SFMBT2: variants seen among roughly 807,000 people sequenced by gnomAD.
SFMBT2 encodes the protein Scm like with four mbt domains 2, also known as scm-like with four MBT domains protein 2.
Under a neutral mutation model 110.1 loss-of-function variants are expected in SFMBT2, and 38 were observed. The observed-to-expected ratio is 0.35, with a 90% CI of 0.27 to 0.45. The LOEUF (loss-of-function observed/expected upper bound fraction) is 0.45, where lower values mean the gene tolerates loss of function less well. SFMBT2 is among the 20% of genes least tolerant of loss of function. The pLI, the probability that SFMBT2 is intolerant of heterozygous loss-of-function variation, is 1.00. For missense variants in SFMBT2, 1,011 were observed against 1,094.9 expected (o/e 0.92, Z 1.08); for synonymous variants, 425 against 425.4 (o/e 1.00, Z 0.01).
intron 2 of SFMBT2, among the ~76,000 whole-genome samples, chr10:7,377,064 G>C (rs577126327): frequency 6.7e-6 from 1 of 149,140 alleles, no homozygotes; most frequent in East Asian, 2.0e-4. Context: ...AGCTACTTGG[G>C]AGGCTGAGGC....
At chr10:7,216,932 TAAC>T (rs1482682488) in intron 11 of SFMBT2, among the ~76,000 whole-genome samples, 1 of 152,136 alleles carries the variant, frequency 6.6e-6, no homozygotes, top group Admixed American at 6.5e-5. Context: ...AGTCCTCCAT[TAAC>T]AACAAGCCAC....
At chr10:7,351,812 G>A (rs977804368) in intron 4 of SFMBT2, among the ~76,000 whole-genome samples, 11 of 151,774 alleles carry the variant, frequency 7.2e-5, no homozygotes, top group African/African-American at 1.5e-4. Flanking sequence ...CTATTAGGGC[G>A]CAGATACTTC....
At chr10:7,268,205 C>T (rs941805405) in intron 7 of SFMBT2, among the ~76,000 whole-genome samples, 4 of 152,054 alleles carry the variant, frequency 2.6e-5, no homozygotes, top group African/African-American at 9.7e-5. Context: ...TAAAACTTAC[C>T]AAGCCCCAAA....
intron 9 of SFMBT2, among the ~76,000 whole-genome samples, chr10:7,236,750 A>G (rs1250333021): frequency 6.6e-6 from 1 of 152,236 alleles, no homozygotes; most frequent in African/African-American, 2.4e-5. Flanking sequence ...TAAACAATGC[A>G]TACAGGGAAA....
At position 7,392,997 on chromosome 10, in the gene SFMBT2, AT is replaced by A. The variant is rs1299911148; in HGVS notation, c.-51-11049del. 2.2e-3 allele frequency among the ~76,000 whole-genome samples: 138 copies of A among 62,932 alleles called. 4 individuals carry two copies. Among genetic ancestry groups the A allele is most frequent in the African/African-American group, 0.015 (125 of 8,128 alleles). 41.3% of individuals were successfully genotyped at this position (62,932 alleles called of 152,430 possible). ...ATGTGGATAGATTATATATATATATATATATATATATATATATATATATATA... is the reference window on the plus strand; with the variant it reads ...ATGTGGATAGATTATATATATATATAATATATATATATATATATATATATA... On this transcript the variant is annotated intron_variant, in intron 1 of 20. Coordinates refer to ENST00000397167, the MANE Select transcript of SFMBT2 (RefSeq NM_001387889.1).
intron 2 of SFMBT2, among the ~76,000 whole-genome samples, chr10:7,380,288 T>C (rs1354313211): frequency 6.6e-6 from 1 of 152,200 alleles, no homozygotes; most frequent in Non-Finnish European, 1.5e-5. Flanking sequence ...TCTTCTCCCA[T>C]CTGGTTTATG....
At chr10:7,210,053 T>C (rs745669210) in intron 11 of SFMBT2, among the ~76,000 whole-genome samples, 13 of 152,234 alleles carry the variant, frequency 8.5e-5, no homozygotes, top group Non-Finnish European at 1.9e-4. Flanking sequence ...ACTCACAATC[T>C]AAATTCATAA....
intron 7 of SFMBT2, among the ~76,000 whole-genome samples, chr10:7,270,150 G>C (rs1841535392): frequency 6.6e-6 from 1 of 152,180 alleles, no homozygotes; most frequent in African/African-American, 2.4e-5. Context: ...CTTGTAAGCA[G>C]AGAGAAATTT....
At chr10:7,252,524 A>G (rs935162456) in intron 7 of SFMBT2, among the ~76,000 whole-genome samples, 2 of 152,236 alleles carry the variant, frequency 1.3e-5, no homozygotes, top group South Asian at 4.1e-4. Context: ...AACGTCCATC[A>G]TTAAACTTCC....
intron 16 of SFMBT2, among the ~76,000 whole-genome samples, chr10:7,184,050 T>C (rs896928048): frequency 8.5e-5 from 13 of 152,240 alleles, no homozygotes; most frequent in African/African-American, 2.9e-4. Context: ...TATCAATATA[T>C]GTGTGGCCTT....
chr10:7,354,468 G>A (rs1275749419), intron 4 of SFMBT2, among the ~76,000 whole-genome samples: 1 of 152,162 alleles, frequency 6.6e-6, no homozygotes, highest in African/African-American at 2.4e-5. Flanking sequence ...CTCAACCAAC[G>A]TAGGAGAGGA....
chr10:7,298,691 TTGCATATGTGTG>T (rs1415091107), intron 4 of SFMBT2, among the ~76,000 whole-genome samples: 1 of 152,106 alleles, frequency 6.6e-6, no homozygotes, highest in Non-Finnish European at 1.5e-5. Flanking sequence ...ATACGTGTAC[TTGCATATGTGTG>T]TGCATATGTG....
intron 1 of SFMBT2, among the ~76,000 whole-genome samples, chr10:7,391,391 A>T (rs1393393638): frequency 6.7e-6 from 1 of 149,680 alleles, no homozygotes; most frequent in Non-Finnish European, 1.5e-5. Context: ...GCTTGAACCC[A>T]GGAGGTGGAG....
intron 11 of SFMBT2, among the ~76,000 whole-genome samples, chr10:7,216,153 T>C (rs553565373): frequency 6.6e-6 from 1 of 152,368 alleles, no homozygotes; most frequent in African/African-American, 2.4e-5. Context: ...TGGCACTGCC[T>C]GGCTCCAAAC....
At chr10:7,230,290 A>C (rs73615425) in intron 9 of SFMBT2, among the ~76,000 whole-genome samples, 1,717 of 152,246 alleles carry the variant, frequency 0.011, 37 homozygotes, top group African/African-American at 0.039. Flanking sequence ...TCCTGCATCA[A>C]AGATTTCTAG....
At chr10:7,370,051 G>A (rs897538905) in intron 3 of SFMBT2, among the ~76,000 whole-genome samples, 2 of 152,104 alleles carry the variant, frequency 1.3e-5, no homozygotes, top group Admixed American at 1.3e-4. Flanking sequence ...TGTAGGGATG[G>A]GATTTAGCCA....
intron 16 of SFMBT2, among the ~76,000 whole-genome samples, chr10:7,185,961 A>T (rs987667797): frequency 1.8e-4 from 28 of 152,278 alleles, no homozygotes; most frequent in Middle Eastern, 3.4e-3. Context: ...AATGAACTAC[A>T]TGAGAAGCCA....
At chr10:7,323,065 G>A (rs577846470) in intron 4 of SFMBT2, among the ~76,000 whole-genome samples, 40 of 152,240 alleles carry the variant, frequency 2.6e-4, no homozygotes, top group African/African-American at 8.7e-4. Context: ...AAAGCAAATT[G>A]AAAAATTATT....
chr10:7,284,489 A>C (rs560604684), intron 5 of SFMBT2: 2 of 980,392 alleles, frequency 2.0e-6, no homozygotes, highest in Non-Finnish European at 2.5e-6. Flanking sequence ...GTTCTACCCA[A>C]ATTTGCCTGG....
Sources: allele counts gnomAD v4.1 joint callset (sites outside exome capture counted in the v4.1 genomes callset), GRCh38; gene constraint gnomAD v4.1.1; transcripts MANE v1.5; gene names NCBI Gene and HGNC (gene_info 2026-07-23, HGNC 2026-07-21).